The following TRPA1 variants were observed in gnomAD, a reference collection of about 807,000 sequenced individuals.
TRPA1 encodes the protein ankyrin-like with transmembrane domains 1.
A neutral mutation model predicts 131.3 loss-of-function variants in TRPA1; 129 were observed. The observed-to-expected ratio is 0.98, with a 90% CI of 0.85 to 1.14. The LOEUF is 1.14. TRPA1 is among the 50% of genes most tolerant of loss of function. The pLI is 0.00. For synonymous variants in TRPA1, 441 were observed against 451.7 expected (o/e 0.98, Z 0.30); for missense variants, 1,304 against 1,354.2 (o/e 0.96, Z 0.58).
At chr8:72,064,004 T>C (rs1386740467) in intron 4 of TRPA1, among the ~76,000 whole-genome samples, 4 of 152,112 alleles carry the variant, frequency 2.6e-5, no homozygotes, top group African/African-American at 4.8e-5. Context: ...GATAATCAAA[T>C]ATTTTCACTA....
At chr8:72,057,584 C>T (rs1199138162) in intron 9 of TRPA1, 133 bp downstream of exon 9, 1 of 757,714 alleles carries the variant, frequency 1.3e-6, no homozygotes, top group Non-Finnish European at 2.4e-6. Context: ...TTTTTAAATT[C>T]ACAACACCTG....
rs149479051 is a variant in TRPA1 at position 72,058,733 on chromosome 8, T to C, written c.993+657A>G. The stretch of plus-strand genomic sequence containing the variant: ...TCCCCAGCACTCTTCTCTGTAATTA[T>C]CATAATTTCAATAGTTATGATTGAC... On this transcript the variant is annotated intron_variant, in intron 8 of 26. Transcript: ENST00000262209. Among the ~76,000 whole-genome samples the C allele has an allele frequency of 2.3e-3, 344 of 152,310 alleles. 1 individual carries two copies. Among genetic ancestry groups the C allele is most frequent in the African/African-American group, 7.2e-3 (299 of 41,576 alleles).
intron 21 of TRPA1, among the ~76,000 whole-genome samples, chr8:72,035,930 G>T (rs996680996): frequency 7.0e-6 from 1 of 143,810 alleles, no homozygotes; most frequent in Non-Finnish European, 1.5e-5. Context: ...GGATGCTACT[G>T]GTATCTAGTG....
Position 72,070,420 on chromosome 8 carries a change from C to T in TRPA1, c.269-1222G>A, listed in dbSNP as rs191587147. Among the ~76,000 whole-genome samples, 684 of 152,282 alleles carry T rather than the reference C, an allele frequency of 4.5e-3. 10 individuals carry two copies. Among genetic ancestry groups the T allele is most frequent in the African/African-American group, 0.015 (638 of 41,552 alleles). On this transcript the variant is annotated intron_variant, in intron 2 of 26. Transcript: ENST00000262209. ...TCACTCCATTCATCATTCCATTTGG[C>T]GCAAAACTTAAACAGGGATCTATAC... is the stretch of plus-strand genomic sequence containing the variant.
At chr8:72,043,537 G>A (rs574612588) in intron 17 of TRPA1, among the ~76,000 whole-genome samples, 3 of 151,588 alleles carry the variant, frequency 2.0e-5, no homozygotes, top group Non-Finnish European at 4.4e-5. Context: ...CTTAGCCCTT[G>A]GGGAAGTTTT....
intron 23 of TRPA1, 128 bp from the exon 24 acceptor site, chr8:72,030,097 T>C: frequency 1.1e-6 from 1 of 877,010 alleles, no homozygotes; most frequent in Admixed American, 1.9e-5. Context: ...ATAAATAGCA[T>C]AAGTTAATTG....
intron 4 of TRPA1, 81 bp downstream of exon 4, chr8:72,065,368 TAA>T: frequency 8.0e-7 from 1 of 1,249,906 alleles, no homozygotes; most frequent in Non-Finnish European, 1.1e-6. Flanking sequence ...GAGAAAAACT[TAA>T]GAGATTTTGT....
chr8:72,088,366 C>CTTTTTTTTTTTTTTTTTTTTTTTT, the TRPA1 span, among the ~76,000 whole-genome samples: 13 of 81,216 alleles, frequency 1.6e-4, 2 homozygotes, highest in Non-Finnish European at 1.9e-4. Context: ...TCTTTGAAAA[C>CTTTTTTTTTTTTTTTTTTTTTTTT]TTTTTTTTTT....
chr8:72,037,337 T>A (rs1024041580), intron 20 of TRPA1, among the ~76,000 whole-genome samples: 1 of 152,040 alleles, frequency 6.6e-6, no homozygotes, highest in South Asian at 2.1e-4. Context: ...CATGAACATA[T>A]ACAAAAAAAT....
rs1811428045 is a variant in TRPA1, at chr8:72,022,485, A to G, written c.*421T>C. 1 of 321,594 alleles carries G rather than the reference A, an allele frequency of 3.1e-6. No homozygotes were observed. The highest frequency in any genetic ancestry group is 8.6e-5 in the East Asian group (1 of 11,648). The allele number at this position is 321,594 out of a possible 1,614,324, so 19.9% of individuals were successfully genotyped here. A position where few individuals can be genotyped will look rare whatever the true frequency, so the allele number is the denominator to read the frequency against. On this transcript the variant is annotated 3_prime_UTR_variant, in exon 27 of 27. Transcript: ENST00000262209. ...CCTCAACCTAATATTTAAGACTATCATCTAAGGCATTATTAATACTTGTGA... is the reference window on the plus strand; with the variant it reads ...CCTCAACCTAATATTTAAGACTATCGTCTAAGGCATTATTAATACTTGTGA...
chr8:72,073,235 G>T (rs1806104536), intron 1 of TRPA1, among the ~76,000 whole-genome samples: 1 of 152,180 alleles, frequency 6.6e-6, no homozygotes, highest in South Asian at 2.1e-4. Context: ...CAAAAGGTTG[G>T]AAACTAAGGT....
intron 21 of TRPA1, among the ~76,000 whole-genome samples, chr8:72,036,028 A>AG (rs1812035135): frequency 2.8e-5 from 4 of 141,076 alleles, no homozygotes; most frequent in East Asian, 2.0e-4. Context: ...AAAAAAAAAA[A>AG]AAGAAGAAGA....
chr8:72,026,999 G>T (rs1811633360), intron 24 of TRPA1, among the ~76,000 whole-genome samples: 1 of 151,796 alleles, frequency 6.6e-6, no homozygotes, highest in African/African-American at 2.4e-5. Context: ...AACATACTGT[G>T]CATTAGTTCC....
intron 26 of TRPA1, chr8:72,023,420 G>A: frequency 2.1e-6 from 1 of 475,730 alleles, no homozygotes; most frequent in Non-Finnish European, 3.9e-6. Flanking sequence ...AGTTGAATAG[G>A]GGTTTGAACT....
At chr8:72,027,878 C>T (rs1182685055) in intron 24 of TRPA1, among the ~76,000 whole-genome samples, 1 of 152,168 alleles carries the variant, frequency 6.6e-6, no homozygotes, top group Non-Finnish European at 1.5e-5. Flanking sequence ...AGGATTTGTG[C>T]CATTGACTGT....
At chr8:72,065,597 A>G (rs760394533) in intron 3 of TRPA1, 39 bp from the exon 4 acceptor site, 2 of 1,520,938 alleles carry the variant, frequency 1.3e-6, no homozygotes, top group African/African-American at 2.7e-5. Context: ...ATTTTTGCAG[A>G]TTTCCAAATA....
intron 1 of TRPA1, among the ~76,000 whole-genome samples, chr8:72,073,609 T>A (rs1014035079): frequency 6.6e-6 from 1 of 152,248 alleles, no homozygotes; most frequent in Non-Finnish European, 1.5e-5. Context: ...AAACTCTATG[T>A]AGCTTCTAAA....
chr8:72,082,739 T>C, the TRPA1 span, among the ~76,000 whole-genome samples: 7 of 152,044 alleles, frequency 4.6e-5, no homozygotes, highest in East Asian at 9.6e-4. Context: ...AAGATTTTTC[T>C]CTGTCTTTCA....
chr8:72,058,081 T>C (rs899481965), intron 8 of TRPA1, among the ~76,000 whole-genome samples: 2 of 152,188 alleles, frequency 1.3e-5, no homozygotes, highest in African/African-American at 4.8e-5. Context: ...ATAGCTCTTG[T>C]TACCGCTTGA....
Sources: allele counts gnomAD v4.1 joint callset (sites outside exome capture counted in the v4.1 genomes callset), GRCh38; gene constraint gnomAD v4.1.1; transcripts MANE v1.5; gene names NCBI Gene and HGNC (gene_info 2026-07-23, HGNC 2026-07-21).